Variants in SMPD4 observed in about 807,000 individuals in gnomAD.
The protein encoded by SMPD4 is sphingomyelin phosphodiesterase 4.
SMPD4 carries 58 observed loss-of-function variants against 97.8 expected under a neutral mutation model. The observed-to-expected ratio is 0.59, with a 90% CI of 0.48 to 0.74. The LOEUF is 0.74. Ranked by LOEUF, SMPD4 falls within the 30% of genes least tolerant of loss-of-function variation. The pLI is 0.00. For missense variants in SMPD4, 853 were observed against 1,080.5 expected (o/e 0.79, Z 2.95); for synonymous variants, 388 against 450.0 (o/e 0.86, Z 1.74).
chr2:130,156,130 C>T lies in SMPD4; in HGVS notation c.1194G>A (p.Leu398=), dbSNP rs370666626. 1 of 1,610,124 alleles carries T rather than the reference C, an allele frequency of 6.2e-7. No homozygotes were observed. Among genetic ancestry groups the T allele is most frequent in the Non-Finnish European group, 8.5e-7 (1 of 1,178,826 alleles). ...GCTGCAGGTAGCTCAGCCACATCTC[C>T]AGGACCTGTGGGGGAGGTGTGTGCT... The part of the protein sequence containing the change: ...WPLDASFRAV[L]EMWLSYLQPW... Residue 398 remains leucine (L), a synonymous_variant, in exon 14 of 20, where the codon CTG becomes CTA. Coordinates refer to ENST00000680298, the MANE Select transcript of SMPD4 (RefSeq NM_017951.5).
intron 11 of SMPD4, 184 bp from the exon 12 acceptor site, chr2:130,157,580 G>C: frequency 8.1e-7 from 1 of 1,233,588 alleles, no homozygotes; most frequent in Non-Finnish European, 1.1e-6. Flanking sequence ...GATGTGCCTT[G>C]CACTGCTTGG....
intron 2 of SMPD4, among the ~76,000 whole-genome samples, chr2:130,176,218 G>A (rs1033942378): frequency 5.9e-5 from 9 of 152,158 alleles, no homozygotes; most frequent in Non-Finnish European, 1.2e-4. Flanking sequence ...CTGATTATTA[G>A]AATACTTCAT....
intron 9 of SMPD4, among the ~76,000 whole-genome samples, chr2:130,165,458 CA>C (rs1687847029): frequency 1.3e-5 from 2 of 151,784 alleles, no homozygotes; most frequent in African/African-American, 4.8e-5. Context: ...CCCAGCAACT[CA>C]AGTGTCTACT....
rs1351992514 is a variant in SMPD4, at chr2:130,181,453, G to A, written c.-46+77C>T. On this transcript the variant is annotated intron_variant, in intron 1 of 19. Transcript: ENST00000680298. ...CGAGTCCTGGGGCTCGCGGAGGAAC[G>A]GAGATGGCCTCCGCAGGGGCTCGGG... is the stretch of plus-strand genomic sequence containing the variant. 11 of 1,529,386 alleles carry A rather than the reference G, an allele frequency of 7.2e-6. No homozygotes were observed. In the Middle Eastern group the frequency reaches 7.2e-4, roughly 100 times the overall value. The allele number at this position is 1,529,386 out of a possible 1,614,324, so 94.7% of individuals were successfully genotyped here. A position where few individuals can be genotyped will look rare whatever the true frequency, so the allele number is the denominator to read the frequency against.
intron 9 of SMPD4, among the ~76,000 whole-genome samples, chr2:130,166,401 G>A (rs1243866308): frequency 2.0e-5 from 3 of 150,710 alleles, no homozygotes; most frequent in African/African-American, 7.3e-5. Context: ...ATGATCTTCT[G>A]CCCTCTTCAT....
Position 130,167,539 on chromosome 2 carries a change from T to C in SMPD4, c.711A>G (p.Leu237=), listed in dbSNP as rs1014979644. The part of the protein sequence containing the change: ...ASYGLHHTSL[L]KRHISHQTSV... ...ACGTCTGATGAGAGATGTGTCGCTTTAGGAGGCTAGTGTGGTGGAGGCCAT... is the reference window on the plus strand; with the variant it reads ...ACGTCTGATGAGAGATGTGTCGCTTCAGGAGGCTAGTGTGGTGGAGGCCAT... Residue 237 remains leucine (L), a synonymous_variant, in exon 9 of 20, where the codon CTA becomes CTG. Coordinates refer to ENST00000680298, the MANE Select transcript of SMPD4 (RefSeq NM_017951.5). 5.6e-6 allele frequency: 9 copies of C among 1,613,840 alleles called. No homozygotes were observed. The highest frequency in any genetic ancestry group is 1.1e-5 in the South Asian group (1 of 91,066).
At chr2:130,154,001 G>A (rs1376924105) in intron 16 of SMPD4, 66 bp from the exon 17 acceptor site, 18 of 1,497,754 alleles carry the variant, frequency 1.2e-5, no homozygotes, top group Admixed American at 1.9e-5. Flanking sequence ...GCAGCCCCAA[G>A]AGCAATGCAC....
At position 130,156,613 on chromosome 2, in the gene SMPD4, T is replaced by C. The variant is rs778044196; in HGVS notation, c.1160A>G (p.His387Arg). Residue 387 changes from histidine to arginine, a missense_variant, in exon 13 of 20, where the codon CAC becomes CGC. By Grantham distance (29) the His-to-Arg change is conservative (BLOSUM62 0). Coordinates refer to ENST00000680298, the MANE Select transcript of SMPD4 (RefSeq NM_017951.5). ...LYLFLQHCFG[H>R]WPLDASFRAV... is the part of the protein sequence containing the mutation. ...TCTGAACGATGCGTCCAGGGGCCAGTGGCCAAAGCAATGCTGCAAGAAGAG... is the reference window on the plus strand; with the variant it reads ...TCTGAACGATGCGTCCAGGGGCCAGCGGCCAAAGCAATGCTGCAAGAAGAG... The C allele has an allele frequency of 1.9e-6, 3 of 1,613,802 alleles. No homozygotes were observed. The highest frequency in any genetic ancestry group is 1.7e-5 in the Admixed American group (1 of 60,004).
At chr2:130,162,956 C>G (rs1409816833) in intron 10 of SMPD4, among the ~76,000 whole-genome samples, 2 of 152,196 alleles carry the variant, frequency 1.3e-5, no homozygotes, top group African/African-American at 2.4e-5. Flanking sequence ...AACTGCACCT[C>G]CTGCCCTCCA....
intron 9 of SMPD4, among the ~76,000 whole-genome samples, chr2:130,166,829 G>A (rs1687973360): frequency 6.6e-6 from 1 of 152,216 alleles, no homozygotes; most frequent in African/African-American, 2.4e-5. Flanking sequence ...CTGAATCAAT[G>A]GAAGGCCTGT....
At chr2:130,177,661 C>T (rs1689099308) in intron 1 of SMPD4, among the ~76,000 whole-genome samples, 1 of 150,750 alleles carries the variant, frequency 6.6e-6, no homozygotes, top group Admixed American at 6.6e-5. Flanking sequence ...CACCACTGCA[C>T]TCCAGCCTAG....
At chr2:130,155,430 G>A (rs958490873) in intron 14 of SMPD4, among the ~76,000 whole-genome samples, 171 bp from the exon 15 acceptor site, 10 of 152,276 alleles carry the variant, frequency 6.6e-5, no homozygotes, top group African/African-American at 9.6e-5. Context: ...AGGCAGGGAG[G>A]ACAGGACAGA....
chr2:130,155,290 C>G (rs560420755), intron 14 of SMPD4, 31 bp from the exon 15 acceptor site: 61 of 1,612,902 alleles, frequency 3.8e-5, no homozygotes, highest in Admixed American at 1.7e-4. Context: ...TTGGGGCCAG[C>G]CTTCCAACTG....
intron 1 of SMPD4, chr2:130,181,256 C>G (rs1197340995): frequency 7.4e-7 from 1 of 1,352,518 alleles, no homozygotes; most frequent in African/African-American, 1.5e-5. Context: ...CTCCTTCCCT[C>G]AATTCCTTCA....
Position 130,155,096 on chromosome 2 carries a change from C to T in SMPD4, c.1453G>A (p.Gly485Ser). ...GGGCTGGCCCAGGCTGAGGACTTACCTTTCTGAATCATCTCAGCCAGGTTG... is the reference window on the plus strand; with the variant it reads ...GGGCTGGCCCAGGCTGAGGACTTACTTTTCTGAATCATCTCAGCCAGGTTG... ...QPNLAEMIQK[G>S]EQLFLEPELV... Residue 485 changes from glycine (G) to serine (S), a missense_variant and splice_region_variant, in exon 15 of 20, where the codon GGT becomes AGT. Physicochemically the swap from Gly to Ser is moderately conservative, Grantham distance 56 (BLOSUM62 0). Coordinates refer to ENST00000680298, the MANE Select transcript of SMPD4 (RefSeq NM_017951.5). 9.9e-6 allele frequency: 16 copies of T among 1,614,118 alleles called. No homozygotes were observed. The highest frequency in any genetic ancestry group is 1.4e-5 in the Non-Finnish European group (16 of 1,180,022).
Position 130,176,655 on chromosome 2 carries a change from C to CA in SMPD4, c.-45-19dup. ...GCAAACCACTGTGGAAAAACAAAGA[C>CA]AAAATCTCAACATCTGTAACACAGC... On this transcript the variant is annotated intron_variant, in intron 1 of 19. Coordinates refer to ENST00000680298, the MANE Select transcript of SMPD4 (RefSeq NM_017951.5). 3 of 1,587,442 alleles carry CA rather than the reference C, an allele frequency of 1.9e-6. No homozygotes were observed. The highest frequency in any genetic ancestry group is 2.6e-6 in the Non-Finnish European group (3 of 1,158,782).
chr2:130,151,671 G>C lies in SMPD4; in HGVS notation c.*884C>G, dbSNP rs1686266762. On this transcript the variant is annotated 3_prime_UTR_variant, in exon 20 of 20. Transcript: ENST00000680298. ...AGACCCCGTGCTGGTTTCTGTCAGA[G>C]AATCTGTAGTTGTATATTTTGAATA... 1 of 148,624 alleles carries C rather than the reference G, an allele frequency of 6.7e-6. No individual in the cohort carries two copies. The highest frequency in any genetic ancestry group is 2.5e-5 in the African/African-American group (1 of 39,662). 9.2% of individuals were successfully genotyped at this position (148,624 alleles called of 1,614,324 possible).
At chr2:130,172,218 G>T (rs1450256148) in intron 8 of SMPD4, 131 bp downstream of exon 8, 7 of 1,044,006 alleles carry the variant, frequency 6.7e-6, no homozygotes, top group South Asian at 1.7e-5. Flanking sequence ...GACAGCTGGG[G>T]ATGGGGAATG....
chr2:130,161,880 C>T (rs1049645418), intron 10 of SMPD4, among the ~76,000 whole-genome samples: 1 of 152,146 alleles, frequency 6.6e-6, no homozygotes, highest in Non-Finnish European at 1.5e-5. Context: ...AGAAATTTAC[C>T]AAATTGGTAT....
Sources: allele counts gnomAD v4.1 joint callset (sites outside exome capture counted in the v4.1 genomes callset), GRCh38; gene constraint gnomAD v4.1.1; transcripts MANE v1.5; gene names NCBI Gene and HGNC (gene_info 2026-07-23, HGNC 2026-07-21).